Variants in NRF1 observed in about 807,000 individuals in gnomAD.
The protein encoded by NRF1 is nuclear respiratory factor 1, also known as alpha palindromic-binding protein.
In NRF1, 5 loss-of-function variants were observed where a neutral mutation model predicts 58.5. The observed-to-expected ratio is 0.09, with a 90% CI of 0.04 to 0.18. NRF1 has a LOEUF of 0.18. Ranked by LOEUF, NRF1 falls within the 10% of genes least tolerant of loss-of-function variation. The pLI, the probability that NRF1 is intolerant of heterozygous loss-of-function variation, is 1.00. For missense variants in NRF1, 288 were observed against 657.7 expected (o/e 0.44, Z 6.15); for synonymous variants, 224 against 246.7 (o/e 0.91, Z 0.86).
intron 9 of NRF1, among the ~76,000 whole-genome samples, chr7:129,721,415 T>C (rs1298598082): frequency 6.6e-6 from 1 of 150,568 alleles, no homozygotes. Flanking sequence ...AGAATTTGTC[T>C]TTTTTTTTGT....
chr7:129,750,350 C>T (rs1217999190), intron 10 of NRF1, among the ~76,000 whole-genome samples: 1 of 152,142 alleles, frequency 6.6e-6, no homozygotes, highest in Non-Finnish European at 1.5e-5. Context: ...AGCCGCCCGA[C>T]TTAGGGCACG....
At chr7:129,637,970 G>A (rs766224524) in intron 1 of NRF1, among the ~76,000 whole-genome samples, 3 of 152,000 alleles carry the variant, frequency 2.0e-5, no homozygotes, top group Non-Finnish European at 4.4e-5. Context: ...GAAGCCAGAA[G>A]ATTGGACACC....
At chr7:129,738,125 C>T (rs1480447464) in intron 10 of NRF1, among the ~76,000 whole-genome samples, 1 of 152,238 alleles carries the variant, frequency 6.6e-6, no homozygotes, top group Admixed American at 6.5e-5. Context: ...TGCGCTGAGG[C>T]ATCGCCTGTT....
chr7:129,727,352 C>T lies in NRF1; in HGVS notation c.1335C>T (p.Val445=), dbSNP rs1323588321. Residue 445 remains valine (V), a synonymous_variant, in exon 10 of 11, where the codon GTC becomes GTT. Coordinates refer to ENST00000393232, the MANE Select transcript of NRF1 (RefSeq NM_005011.5). ...TAAAVGALTG[V]QDANGLVQIP... ...CAGCCGTCGGAGCACTTACTGGAGTCCAAGATGCTAATGGTAAGAGAGCAT... is the reference window on the plus strand; with the variant it reads ...CAGCCGTCGGAGCACTTACTGGAGTTCAAGATGCTAATGGTAAGAGAGCAT... 6.2e-7 allele frequency: 1 copy of T among 1,603,782 alleles called. No individual in the cohort carries two copies. The highest frequency in any genetic ancestry group is 8.5e-7 in the Non-Finnish European group (1 of 1,176,624).
intron 1 of NRF1, among the ~76,000 whole-genome samples, chr7:129,619,427 T>TACACACAC (rs1295058351): frequency 4.9e-5 from 4 of 81,098 alleles, no homozygotes; most frequent in Non-Finnish European, 8.5e-5. Flanking sequence ...TATATATATA[T>TACACACAC]ATATATACAC....
chr7:129,678,769 G>A (rs1231601967), intron 4 of NRF1, among the ~76,000 whole-genome samples: 1 of 151,974 alleles, frequency 6.6e-6, no homozygotes, highest in Non-Finnish European at 1.5e-5. Flanking sequence ...TACTACTACT[G>A]GTAGTAGTAA....
intron 1 of NRF1, among the ~76,000 whole-genome samples, chr7:129,619,433 T>C (rs62489263): frequency 0.34 from 21,969 of 64,048 alleles, 4,187 homozygotes; most frequent in East Asian, 0.61. Flanking sequence ...TATATATATA[T>C]ACACACACAC....
At chr7:129,692,028 G>C (rs1277182829) in intron 5 of NRF1, among the ~76,000 whole-genome samples, 1 of 152,046 alleles carries the variant, frequency 6.6e-6, no homozygotes, top group Non-Finnish European at 1.5e-5. Flanking sequence ...TGTCCATCTG[G>C]TTGCTCAAGT....
chr7:129,639,111 G>T (rs1801232749), intron 1 of NRF1, among the ~76,000 whole-genome samples: 2 of 152,126 alleles, frequency 1.3e-5, no homozygotes, highest in Non-Finnish European at 2.9e-5. Context: ...CCAGGCTGCA[G>T]TGCAGTGACA....
intron 1 of NRF1, among the ~76,000 whole-genome samples, chr7:129,635,002 T>G (rs1018307219): frequency 6.6e-6 from 1 of 152,236 alleles, no homozygotes; most frequent in Non-Finnish European, 1.5e-5. Flanking sequence ...GTTTTTACTC[T>G]CTTTATCTTG....
chr7:129,738,007 T>C (rs1803758121), intron 10 of NRF1, among the ~76,000 whole-genome samples: 1 of 152,214 alleles, frequency 6.6e-6, no homozygotes, highest in African/African-American at 2.4e-5. Context: ...CTGGTAGCTG[T>C]GGATTTTTAG....
intron 3 of NRF1, among the ~76,000 whole-genome samples, chr7:129,673,841 T>G (rs1157399384): frequency 6.6e-6 from 1 of 151,732 alleles, no homozygotes; most frequent in African/African-American, 2.4e-5. Flanking sequence ...AAAAAAAAAT[T>G]TTTTTAAGCT....
rs557476604 is a variant in NRF1 at position 129,641,047 on chromosome 7, C to T, written c.-6-16299C>T. Reference sequence around the variant, plus strand: ...ATGAATAACCATAAGCCTCCTGGCTCTTCCCTTTTCTTGCCATCCCAGTCC... The same window carrying T: ...ATGAATAACCATAAGCCTCCTGGCTTTTCCCTTTTCTTGCCATCCCAGTCC... On this transcript the variant is annotated intron_variant, in intron 1 of 10. Coordinates refer to ENST00000393232, the MANE Select transcript of NRF1 (RefSeq NM_005011.5). Among the ~76,000 whole-genome samples, 3 of 152,300 alleles carry T rather than the reference C, an allele frequency of 2.0e-5. No individual in the cohort carries two copies. The East Asian group carries it at 5.8e-4, about 29-fold the overall frequency.
intron 10 of NRF1, among the ~76,000 whole-genome samples, chr7:129,730,640 A>T (rs191108610): frequency 6.6e-6 from 1 of 152,182 alleles, no homozygotes; most frequent in African/African-American, 2.4e-5. Flanking sequence ...GGGTGAGGTT[A>T]TGAAGCAGTA....
chr7:129,718,018 T>C (rs1055029897), intron 9 of NRF1, among the ~76,000 whole-genome samples: 11 of 152,182 alleles, frequency 7.2e-5, no homozygotes, highest in Non-Finnish European at 5.9e-5. Context: ...AGTTTTGGAT[T>C]ATTGGGGAAA....
chr7:129,755,184 T>C lies in NRF1; in HGVS notation c.*3T>C, dbSNP rs2116335754. On this transcript the variant is annotated 3_prime_UTR_variant, in exon 11 of 11. Transcript: ENST00000393232. This position sits in a 1 kb window ranked among gnomAD's most constrained non-coding sequence, Gnocchi z 5.8. ...AGGTGGTGACATTGGAACAGTGACA[T>C]ACAGCCATATTATGGCATCGTTTTC... 6.3e-7 allele frequency: 1 copy of C among 1,593,516 alleles called. No homozygotes were observed. Among genetic ancestry groups the C allele is most frequent in the Non-Finnish European group, 8.5e-7 (1 of 1,171,070 alleles).
Position 129,735,730 on chromosome 7 carries a change from C to T in NRF1, c.1348+8365C>T, listed in dbSNP as rs941608203. On this transcript the variant is annotated intron_variant, in intron 10 of 10. Transcript: ENST00000393232. ...ATATTTTCTGAAACTATAAGACCACCGGGCGCGGTGGCTGACGCCTGTAAT... is the reference window on the plus strand; with the variant it reads ...ATATTTTCTGAAACTATAAGACCACTGGGCGCGGTGGCTGACGCCTGTAAT... Among the ~76,000 whole-genome samples, 5 of 150,936 alleles carry T rather than the reference C, an allele frequency of 3.3e-5. No homozygotes were observed. The East Asian group carries it at 1.0e-3, about 30-fold the overall frequency.
intron 4 of NRF1, among the ~76,000 whole-genome samples, chr7:129,682,321 T>G (rs552266577): frequency 6.6e-6 from 1 of 151,830 alleles, no homozygotes; most frequent in African/African-American, 2.4e-5. Context: ...TAGCCAGATG[T>G]GGTAGCACAT....
chr7:129,668,794 A>G (rs1032972146), intron 2 of NRF1, among the ~76,000 whole-genome samples: 2 of 152,226 alleles, frequency 1.3e-5, no homozygotes, highest in African/African-American at 4.8e-5. Context: ...AAGCTCTAGA[A>G]TAGGCAAAAC....
Sources: allele counts gnomAD v4.1 joint callset (sites outside exome capture counted in the v4.1 genomes callset), GRCh38; gene constraint gnomAD v4.1.1; non-coding constraint Gnocchi (gnomAD v3.1); transcripts MANE v1.5; gene names NCBI Gene and HGNC (gene_info 2026-07-23, HGNC 2026-07-21).